Variants in METTL8 observed in about 807,000 individuals in gnomAD.
The protein encoded by METTL8 is methyltransferase 8, tRNA N3-cytidine.
METTL8 carries 32 observed loss-of-function variants against 48.7 expected under a neutral mutation model. The ratio of observed to expected loss-of-function variants is 0.66; its 90% CI spans 0.50 to 0.88. The LOEUF (loss-of-function observed/expected upper bound fraction) is 0.88, where lower values mean the gene tolerates loss of function less well. Among genes scored for constraint, METTL8 ranks in the 40% least tolerant of loss-of-function variants. METTL8 has a pLI of 0.00. For synonymous variants in METTL8, 136 were observed against 157.1 expected (o/e 0.87, Z 1.01); for missense variants, 464 against 474.4 (o/e 0.98, Z 0.20).
At chr2:171,379,713 A>C (rs1687325406) in intron 2 of METTL8, among the ~76,000 whole-genome samples, 1 of 152,216 alleles carries the variant, frequency 6.6e-6, no homozygotes, top group African/African-American at 2.4e-5. Flanking sequence ...AAGAAGTTCA[A>C]TCCTTGAATA....
intron 1 of METTL8, among the ~76,000 whole-genome samples, chr2:171,396,074 C>A (rs1176337432): frequency 6.6e-6 from 1 of 151,960 alleles, no homozygotes; most frequent in Non-Finnish European, 1.5e-5. Flanking sequence ...GAGTTTGAGA[C>A]CAGCCTGGCC....
chr2:171,318,485 G>A lies in METTL8; in HGVS notation c.*5687C>T, dbSNP rs952003866. On this transcript the variant is annotated 3_prime_UTR_variant, in exon 10 of 10. Coordinates refer to ENST00000375258, the MANE Select transcript of METTL8 (RefSeq NM_001321154.2). ...TACAGAATGCTTTTTTTCTTTAAGC[G>A]AGGAGTATGCAAGTGAGAGTGCTCT... 6 of 152,022 alleles carry A rather than the reference G, an allele frequency of 3.9e-5. No homozygotes were observed. Among genetic ancestry groups the A allele is most frequent in the Non-Finnish European group, 7.4e-5 (5 of 68,024 alleles). 9.4% of individuals were successfully genotyped at this position (152,022 alleles called of 1,614,324 possible).
At chr2:171,343,010 T>C (rs549300347) in intron 3 of METTL8, among the ~76,000 whole-genome samples, 10 of 151,848 alleles carry the variant, frequency 6.6e-5, no homozygotes, top group Non-Finnish European at 1.2e-4. Flanking sequence ...CTGTCTCTAC[T>C]TAAAAAAAAA....
intron 1 of METTL8, among the ~76,000 whole-genome samples, chr2:171,398,892 A>T (rs1689375561): frequency 1.3e-5 from 2 of 152,224 alleles, no homozygotes; most frequent in Non-Finnish European, 2.9e-5. Flanking sequence ...TTTAGGGAAG[A>T]TGAAAAAGTT....
Position 171,324,078 on chromosome 2 carries a change from CT to C in METTL8, c.*93del, listed in dbSNP as rs1684686935. 9.7e-7 allele frequency: 1 copy of C among 1,026,996 alleles called. No homozygotes were observed. Among genetic ancestry groups the C allele is most frequent in the Non-Finnish European group, 1.4e-6 (1 of 721,876 alleles). 63.6% of individuals were successfully genotyped at this position (1,026,996 alleles called of 1,614,324 possible). On this transcript the variant is annotated 3_prime_UTR_variant, in exon 10 of 10. Coordinates refer to ENST00000375258, the MANE Select transcript of METTL8 (RefSeq NM_001321154.2). Reference sequence around the variant, plus strand: ...AACGGCAGGAAATACAAATTCTCTTCTTTTTTTCTCATTGTCTTTTGAGAAA... The same window carrying C: ...AACGGCAGGAAATACAAATTCTCTTCTTTTTTCTCATTGTCTTTTGAGAAA...
chr2:171,431,784 C>T lies in METTL8; in HGVS notation c.-13+2099G>A, dbSNP rs528050171. ...GAGTGGGGTAACAGGACTGATAGGG[C>T]TGTTAACATGCCCCTGTTCGTCAGG... is the stretch of plus-strand genomic sequence containing the variant. On this transcript the variant is annotated intron_variant, in intron 1 of 9. Transcript: ENST00000375258. 3.3e-5 allele frequency among the ~76,000 whole-genome samples: 5 copies of T among 152,344 alleles called. No homozygotes were observed. The East Asian group carries it at 9.6e-4, about 29-fold the overall frequency.
At chr2:171,393,226 G>GCCT (rs1168355652) in intron 1 of METTL8, among the ~76,000 whole-genome samples, 1 of 151,968 alleles carries the variant, frequency 6.6e-6, no homozygotes, top group Admixed American at 6.6e-5. Context: ...TTAGAGACCA[G>GCCT]CCTGGGCAAC....
At chr2:171,331,743 T>C in intron 6 of METTL8, 61 bp downstream of exon 6, 1 of 1,335,888 alleles carries the variant, frequency 7.5e-7, no homozygotes, top group South Asian at 1.2e-5. Context: ...TCAAAACAAC[T>C]TTTATTGTTC....
intron 2 of METTL8, among the ~76,000 whole-genome samples, chr2:171,383,473 A>G (rs929885658): frequency 2.0e-5 from 3 of 152,160 alleles, no homozygotes; most frequent in African/African-American, 4.8e-5. Context: ...CACACCTCCC[A>G]TGGTAAAAAC....
intron 2 of METTL8, among the ~76,000 whole-genome samples, chr2:171,384,514 GCAAA>G (rs972976152): frequency 1.2e-3 from 172 of 142,828 alleles, no homozygotes; most frequent in African/African-American, 4.3e-3. Flanking sequence ...TCTCAAATAA[GCAAA>G]CAAACAAACA....
chr2:171,324,701 C>G (rs1684750356), intron 9 of METTL8, among the ~76,000 whole-genome samples: 1 of 152,178 alleles, frequency 6.6e-6, no homozygotes, highest in African/African-American at 2.4e-5. Context: ...TATAAAAGTA[C>G]TCACATAAAT....
intron 2 of METTL8, among the ~76,000 whole-genome samples, chr2:171,369,765 A>G (rs1686110519): frequency 6.6e-6 from 1 of 152,140 alleles, no homozygotes; most frequent in African/African-American, 2.4e-5. Context: ...TAAAAATTGG[A>G]TACAAAAAAT....
chr2:171,403,816 A>G (rs1243232455), intron 1 of METTL8, among the ~76,000 whole-genome samples: 1 of 151,698 alleles, frequency 6.6e-6, no homozygotes, highest in East Asian at 1.9e-4. Context: ...GGAGGTGGTT[A>G]TAAGGCTGGA....
chr2:171,351,403 T>C (rs987367620), intron 3 of METTL8, among the ~76,000 whole-genome samples: 3 of 152,228 alleles, frequency 2.0e-5, no homozygotes, highest in Non-Finnish European at 4.4e-5. Context: ...GCGTGATGCC[T>C]CCAGGTTTGC....
chr2:171,387,412 C>A (rs1202500045), intron 2 of METTL8, among the ~76,000 whole-genome samples: 1 of 152,006 alleles, frequency 6.6e-6, no homozygotes, highest in African/African-American at 2.4e-5. Flanking sequence ...TGTTTATAAT[C>A]CCAGATACTC....
At chr2:171,333,781 T>G (rs576757773) in intron 5 of METTL8, among the ~76,000 whole-genome samples, 10 of 152,296 alleles carry the variant, frequency 6.6e-5, no homozygotes, top group African/African-American at 2.2e-4. Context: ...TGCCTAAGGT[T>G]TGAGTCTCAG....
chr2:171,388,823 A>G (rs1688313110), intron 2 of METTL8, among the ~76,000 whole-genome samples: 1 of 152,174 alleles, frequency 6.6e-6, no homozygotes, highest in Admixed American at 6.5e-5. Context: ...CATTATTATT[A>G]TATCTGTTAT....
intron 1 of METTL8, among the ~76,000 whole-genome samples, chr2:171,418,514 T>C (rs1691549795): frequency 6.6e-6 from 1 of 151,794 alleles, no homozygotes; most frequent in Admixed American, 6.6e-5. Context: ...GGACGATTTG[T>C]CTCTTCTCTC....
intron 2 of METTL8, among the ~76,000 whole-genome samples, chr2:171,366,398 A>G (rs1311750258): frequency 6.6e-6 from 1 of 152,238 alleles, no homozygotes; most frequent in Admixed American, 6.5e-5. Flanking sequence ...CAGAAATTTA[A>G]CCACTTGCCA....
Sources: gnomAD v4.1 joint callset for allele counts (sites outside exome capture counted in the v4.1 genomes callset) on GRCh38, gnomAD v4.1.1 for gene constraint, MANE v1.5 for transcripts, NCBI Gene and HGNC (gene_info 2026-07-23, HGNC 2026-07-21) for gene names.